The following CWH43 variants were observed in gnomAD, a reference collection of about 807,000 sequenced individuals.
CWH43 encodes cell wall biogenesis 43 C-terminal homolog.
In CWH43, 91 loss-of-function variants were observed where a neutral mutation model predicts 85.7. That is an observed-to-expected ratio of 1.06 (90% CI 0.90 to 1.26). The LOEUF is 1.26. CWH43 is among the 50% of genes most tolerant of loss of function. CWH43 has a pLI of 0.00. For missense variants in CWH43, 869 were observed against 839.2 expected (o/e 1.04, Z -0.44); for synonymous variants, 323 against 293.6 (o/e 1.10, Z -1.02).
intron 1 of CWH43, 143 bp from the exon 2 acceptor site, chr4:48,988,334 A>ACG: frequency 2.1e-6 from 1 of 480,938 alleles, no homozygotes; most frequent in Non-Finnish European, 3.6e-6. Context: ...GTTCCATGTC[A>ACG]GTGGAGACAA....
intron 7 of CWH43, among the ~76,000 whole-genome samples, chr4:49,006,600 T>G (rs571808636): frequency 1.5e-4 from 23 of 152,346 alleles, no homozygotes; most frequent in African/African-American, 5.1e-4. Flanking sequence ...TCTGTTTCCA[T>G]TCTTAGTATG....
intron 5 of CWH43, 87 bp downstream of exon 5, chr4:48,994,907 C>A: frequency 9.4e-7 from 1 of 1,062,528 alleles, no homozygotes. Context: ...TAGGTCTGTG[C>A]TAGCCAGATA....
At chr4:48,986,661 G>T in intron 1 of CWH43, 189 bp downstream of exon 1, 3 of 1,376,124 alleles carry the variant, frequency 2.2e-6, no homozygotes, top group Non-Finnish European at 2.8e-6. Flanking sequence ...GACCTAGATT[G>T]AAGTCTTCAA....
At position 49,002,039 on chromosome 4, in the gene CWH43, A is replaced by T. The variant is rs141864111; in HGVS notation, c.803-1696A>T. ...TTGGCAGGATGTGAGAGGTGTCAAG[A>T]CTTGGCAAGTTTTCTGCAGGAAGCA... On this transcript the variant is annotated intron_variant, in intron 6 of 15. Transcript: ENST00000226432. 1.3e-3 allele frequency among the ~76,000 whole-genome samples: 201 copies of T among 152,214 alleles called. 1 individual carries two copies. The highest frequency in any genetic ancestry group is 4.8e-3 in the African/African-American group (199 of 41,534).
chr4:49,004,824 A>G (rs1189073994), intron 7 of CWH43, among the ~76,000 whole-genome samples: 2 of 152,240 alleles, frequency 1.3e-5, no homozygotes. Flanking sequence ...TTATAATTTA[A>G]TAAACTTAGC....
intron 13 of CWH43, among the ~76,000 whole-genome samples, chr4:49,044,498 G>A (rs532714189): frequency 2.6e-5 from 4 of 152,192 alleles, no homozygotes; most frequent in Non-Finnish European, 5.9e-5. Context: ...GCTGCCAGGA[G>A]TCAGGGGCTA....
intron 1 of CWH43, among the ~76,000 whole-genome samples, chr4:48,988,198 A>G (rs1560482308): frequency 6.6e-6 from 1 of 152,174 alleles, no homozygotes; most frequent in Non-Finnish European, 1.5e-5. Context: ...ACTCAGTGTC[A>G]TGTGTTACAT....
chr4:49,028,537 A>G lies in CWH43; in HGVS notation c.1267-92A>G, dbSNP rs1783991525. ...CTAAGGAAATTCCTTTGCTGAAATA[A>G]GAAATTTGGTAGAGAGGAGTGGAGA... is the stretch of plus-strand genomic sequence containing the variant. On this transcript the variant is annotated intron_variant, in intron 9 of 15. Coordinates refer to ENST00000226432, the MANE Select transcript of CWH43 (RefSeq NM_025087.3). The G allele has an allele frequency of 2.5e-5, 18 of 728,282 alleles. No individual in the cohort carries two copies. The South Asian group carries it at 2.5e-4, about 10-fold the overall frequency. The allele number at this position is 728,282 out of a possible 1,614,324, so 45.1% of individuals were successfully genotyped here. A position where few individuals can be genotyped will look rare whatever the true frequency, so the allele number is the denominator to read the frequency against.
Position 48,992,105 on chromosome 4 carries a change from T to C in CWH43, c.511+15T>C. On this transcript the variant is annotated intron_variant, in intron 4 of 15. Coordinates refer to ENST00000226432, the MANE Select transcript of CWH43 (RefSeq NM_025087.3). This position sits in a 1 kb window ranked among gnomAD's most constrained non-coding sequence, Gnocchi z 4.3. Reference sequence around the variant, plus strand: ...TATTGGCACAGGTAATACTGTAACTTAGGAATTTTCTCTTTGCAGAGCTTA... The same window carrying C: ...TATTGGCACAGGTAATACTGTAACTCAGGAATTTTCTCTTTGCAGAGCTTA... 1 of 1,601,282 alleles carries C rather than the reference T, an allele frequency of 6.2e-7. No individual in the cohort carries two copies. Among genetic ancestry groups the C allele is most frequent in the Non-Finnish European group, 8.5e-7 (1 of 1,171,464 alleles).
intron 14 of CWH43, among the ~76,000 whole-genome samples, chr4:49,046,921 G>A (rs1784643124): frequency 1.3e-5 from 2 of 152,282 alleles, no homozygotes; most frequent in South Asian, 4.2e-4. Flanking sequence ...TCTGTCTGGA[G>A]GTATTTGACC....
chr4:49,024,240 G>A (rs1387525503), intron 9 of CWH43, among the ~76,000 whole-genome samples: 1 of 152,126 alleles, frequency 6.6e-6, no homozygotes, highest in Admixed American at 6.6e-5. Context: ...GAGTCCTTAG[G>A]TGTCAGATGA....
At chr4:49,023,487 G>T (rs1783811856) in intron 9 of CWH43, among the ~76,000 whole-genome samples, 1 of 152,110 alleles carries the variant, frequency 6.6e-6, no homozygotes, top group African/African-American at 2.4e-5. Context: ...TGATTCTCCT[G>T]CCTCACCCTC....
chr4:49,039,305 T>TTATATATATATATATATA (rs1784363054), intron 13 of CWH43, among the ~76,000 whole-genome samples: 1 of 1,862 alleles, frequency 5.4e-4, no homozygotes, highest in Non-Finnish European at 3.7e-3. Context: ...CTCAGGAGAC[T>TTATATATATATATATATA]GATATATATA....
intron 12 of CWH43, among the ~76,000 whole-genome samples, chr4:49,033,606 C>A (rs1784170682): frequency 6.6e-6 from 1 of 152,086 alleles, no homozygotes. Context: ...GGGAGAGAGG[C>A]CAGTGATGGT....
In CWH43 at chr4:49,004,799, A is replaced by T. The variant is rs143244588; in HGVS notation, c.1060+807A>T. The stretch of plus-strand genomic sequence containing the variant: ...ATATTTACCATTTTAGTGGTTATGA[A>T]TTTGCATACCAAAATTATAATTTAA... On this transcript the variant is annotated intron_variant, in intron 7 of 15. Transcript: ENST00000226432. 3.8e-3 allele frequency among the ~76,000 whole-genome samples: 572 copies of T among 152,294 alleles called. 7 individuals carry two copies. Among genetic ancestry groups the T allele is most frequent in the African/African-American group, 0.013 (555 of 41,558 alleles).
At chr4:49,028,896 C>T (rs1212633496) in intron 10 of CWH43, among the ~76,000 whole-genome samples, 162 bp downstream of exon 10, 1 of 152,210 alleles carries the variant, frequency 6.6e-6, no homozygotes. Context: ...TGGCACGCAG[C>T]TGCAGGGGGA....
At chr4:49,011,548 T>C (rs1205642128) in intron 8 of CWH43, among the ~76,000 whole-genome samples, 3 of 152,196 alleles carry the variant, frequency 2.0e-5, no homozygotes, top group Non-Finnish European at 4.4e-5. Flanking sequence ...GTGCAGTTTC[T>C]TCATAGCATC....
At chr4:49,047,457 A>G (rs1192073980) in intron 14 of CWH43, among the ~76,000 whole-genome samples, 1 of 152,154 alleles carries the variant, frequency 6.6e-6, no homozygotes, top group Non-Finnish European at 1.5e-5. Context: ...AAGCAGGGGA[A>G]GGAGCTTCCA....
intron 11 of CWH43, among the ~76,000 whole-genome samples, chr4:49,031,639 A>G (rs1341115963): frequency 6.6e-6 from 1 of 152,210 alleles, no homozygotes; most frequent in African/African-American, 2.4e-5. Context: ...ATCTGGAAGA[A>G]CAGATTCTCA....
Sources: gnomAD v4.1 joint callset for allele counts (sites outside exome capture counted in the v4.1 genomes callset) on GRCh38, gnomAD v4.1.1 for gene constraint, Gnocchi (gnomAD v3.1) non-coding constraint, MANE v1.5 for transcripts, NCBI Gene and HGNC (gene_info 2026-07-23, HGNC 2026-07-21) for gene names.